The following CCDC7 variants were observed in gnomAD, a reference collection of about 807,000 sequenced individuals.
CCDC7 encodes coiled-coil domain-containing protein 7.
Under a neutral mutation model 196.9 loss-of-function variants are expected in CCDC7, and 183 were observed. The ratio of observed to expected loss-of-function variants is 0.93; its 90% CI spans 0.82 to 1.05. The LOEUF (loss-of-function observed/expected upper bound fraction) is 1.05, where lower values mean the gene tolerates loss of function less well. Among genes scored for constraint, CCDC7 ranks in the 50% least tolerant of loss-of-function variants. The pLI is 0.00. For synonymous variants in CCDC7, 525 were observed against 484.6 expected (o/e 1.08, Z -1.10); for missense variants, 1,540 against 1,482.2 (o/e 1.04, Z -0.64).
intron 11 of CCDC7, among the ~76,000 whole-genome samples, chr10:32,535,442 T>C (rs79827931): frequency 2.0e-5 from 3 of 152,256 alleles, no homozygotes; most frequent in East Asian, 3.9e-4. Flanking sequence ...AATCAATACA[T>C]GTGAAGTATA....
At chr10:32,838,206 C>T (rs565803067) in intron 33 of CCDC7, among the ~76,000 whole-genome samples, 9 of 152,044 alleles carry the variant, frequency 5.9e-5, no homozygotes, top group Non-Finnish European at 1.3e-4. Flanking sequence ...AAATACTGCA[C>T]TGGGTGCCTT....
intron 20 of CCDC7, among the ~76,000 whole-genome samples, chr10:32,662,318 G>T (rs1345984512): frequency 3.3e-5 from 5 of 152,174 alleles, no homozygotes; most frequent in Admixed American, 3.3e-4. Flanking sequence ...ACCAGATACT[G>T]TGAGTGTTCA....
intron 5 of CCDC7, among the ~76,000 whole-genome samples, chr10:32,464,941 C>CCTAT (rs1352413629): frequency 6.6e-6 from 1 of 152,048 alleles, no homozygotes; most frequent in Non-Finnish European, 1.5e-5. Flanking sequence ...TCTCTAAAGG[C>CCTAT]CTATTTCCAT....
Position 32,697,534 on chromosome 10 carries a change from G to A in CCDC7, c.2458+2542G>A, listed in dbSNP as rs555538567. ...ACCAGGAGATTATATCCTGCGCCTC[G>A]CTTGGCGGGTCCCACACCCATGGAG... On this transcript the variant is annotated intron_variant, in intron 24 of 41. Transcript: ENST00000639629. 3.3e-5 allele frequency among the ~76,000 whole-genome samples: 5 copies of A among 152,308 alleles called. No homozygotes were observed. In the East Asian group the frequency reaches 5.8e-4, roughly 18 times the overall value.
intron 18 of CCDC7, among the ~76,000 whole-genome samples, chr10:32,605,453 C>A (rs1411955259): frequency 6.6e-6 from 1 of 152,090 alleles, no homozygotes; most frequent in African/African-American, 2.4e-5. Flanking sequence ...CGAAGAAGAA[C>A]AAGAGGATGA....
At chr10:32,763,932 A>C (rs1016310658) in intron 28 of CCDC7, among the ~76,000 whole-genome samples, 1 of 151,898 alleles carries the variant, frequency 6.6e-6, no homozygotes, top group Non-Finnish European at 1.5e-5. Context: ...AATATTCTGT[A>C]TACTTGAAAA....
chr10:32,658,470 T>C (rs979418083), intron 20 of CCDC7, among the ~76,000 whole-genome samples: 1 of 152,126 alleles, frequency 6.6e-6, no homozygotes, highest in African/African-American at 2.4e-5. Context: ...TAAGAACTCA[T>C]TTACTATCAT....
intron 41 of CCDC7, among the ~76,000 whole-genome samples, chr10:32,871,877 G>A (rs935860416): frequency 2.6e-5 from 4 of 152,154 alleles, no homozygotes; most frequent in Admixed American, 2.6e-4. Context: ...TCATTCAGGA[G>A]CAGGTTGTTC....
At chr10:32,873,462 T>C (rs2094500474) in intron 41 of CCDC7, among the ~76,000 whole-genome samples, 1 of 151,976 alleles carries the variant, frequency 6.6e-6, no homozygotes, top group African/African-American at 2.4e-5. Flanking sequence ...GTTTTTAACT[T>C]CTTTGCCGTG....
intron 15 of CCDC7, among the ~76,000 whole-genome samples, chr10:32,569,056 T>C (rs1427672829): frequency 3.3e-5 from 5 of 152,230 alleles, no homozygotes; most frequent in Non-Finnish European, 7.3e-5. Flanking sequence ...AGCAGAACAG[T>C]AACTAAAACA....
intron 29 of CCDC7, among the ~76,000 whole-genome samples, chr10:32,787,596 A>G (rs1592748358): frequency 6.6e-6 from 1 of 152,068 alleles, no homozygotes; most frequent in Non-Finnish European, 1.5e-5. Flanking sequence ...ACTTCCTTGG[A>G]CCCCAACATT....
At chr10:32,674,132 C>G (rs1274752444) in intron 21 of CCDC7, among the ~76,000 whole-genome samples, 1 of 136,912 alleles carries the variant, frequency 7.3e-6, no homozygotes, top group African/African-American at 2.9e-5. Flanking sequence ...GTTTTTTTTT[C>G]TGTGAACTTT....
At chr10:32,513,874 C>A (rs1234887722) in intron 9 of CCDC7, 2 of 152,138 alleles carry the variant, frequency 1.3e-5, no homozygotes. Flanking sequence ...ATCTACAAAC[C>A]CCATGGTCAA....
chr10:32,530,688 G>T (rs2049499404), intron 11 of CCDC7, among the ~76,000 whole-genome samples: 1 of 151,928 alleles, frequency 6.6e-6, no homozygotes, highest in Non-Finnish European at 1.5e-5. Flanking sequence ...TAGGTATAAG[G>T]TTATATTATC....
chr10:32,551,249 C>T (rs532865667), intron 13 of CCDC7, among the ~76,000 whole-genome samples: 2 of 152,170 alleles, frequency 1.3e-5, no homozygotes, highest in South Asian at 2.1e-4. Context: ...TGTAATATCT[C>T]CTGTTTTATT....
intron 21 of CCDC7, chr10:32,675,622 A>G (rs1470854471): frequency 6.6e-6 from 1 of 152,354 alleles, no homozygotes; most frequent in Non-Finnish European, 1.5e-5. Context: ...ACTTTCATAT[A>G]CTTTGGTGTT....
intron 1 of CCDC7, 25 bp downstream of exon 2, chr10:32,451,946 T>C: frequency 1.3e-6 from 2 of 1,592,436 alleles, no homozygotes; most frequent in Non-Finnish European, 1.7e-6. Context: ...AGTTTCTGTG[T>C]TGCAGGGCCC....
At chr10:32,830,378 A>T (rs911887622) in intron 32 of CCDC7, among the ~76,000 whole-genome samples, 5 of 151,482 alleles carry the variant, frequency 3.3e-5, no homozygotes, top group Admixed American at 3.3e-4. Flanking sequence ...TATGATAGAC[A>T]TGCAAAAAAG....
At chr10:32,724,786 G>C (rs183660769) in intron 25 of CCDC7, among the ~76,000 whole-genome samples, 2 of 152,210 alleles carry the variant, frequency 1.3e-5, no homozygotes, top group Admixed American at 6.5e-5. Context: ...CAAATGGAGG[G>C]TTCCTGAGCT....
Sources: allele counts gnomAD v4.1 joint callset (sites outside exome capture counted in the v4.1 genomes callset), GRCh38; gene constraint gnomAD v4.1.1; transcripts MANE v1.5; gene names NCBI Gene and HGNC (gene_info 2026-07-23, HGNC 2026-07-21).